Variants in GTF2IRD1 observed in about 807,000 individuals in gnomAD.
The protein encoded by GTF2IRD1 is general transcription factor II-I repeat domain-containing protein 1.
Under a neutral mutation model 113.2 loss-of-function variants are expected in GTF2IRD1, and 26 were observed. That is an observed-to-expected ratio of 0.23 (90% confidence interval 0.17 to 0.32). The LOEUF (loss-of-function observed/expected upper bound fraction) is 0.32, where lower values mean the gene tolerates loss of function less well. Ranked by LOEUF, GTF2IRD1 falls within the 10% of genes least tolerant of loss-of-function variation. The pLI is 1.00. For missense variants in GTF2IRD1, 864 were observed against 1,280.8 expected (o/e 0.67, Z 4.97); for synonymous variants, 484 against 529.1 (o/e 0.91, Z 1.17).
chr7:74,518,242 C>A lies in GTF2IRD1; in HGVS notation c.525C>A (p.Phe175Leu). The change falls in exon 5 of 27, where the codon TTC (phenylalanine) becomes TTA (leucine). Residue 175 changes from phenylalanine (F) to leucine (L), a missense_variant. Physicochemically the swap from Phe to Leu is conservative, Grantham distance 22 (BLOSUM62 0). Transcript: ENST00000424337. Reference protein sequence around the residue: ...AVQGLPEGLAFRRPAEYDPKA... With the variant: ...AVQGLPEGLALRRPAEYDPKA... ...AGGGGCTGCCCGAAGGCCTGGCCTTCCGAAGGCCAGCCGAGTATGACCCCA... is the reference window on the plus strand; with the variant it reads ...AGGGGCTGCCCGAAGGCCTGGCCTTACGAAGGCCAGCCGAGTATGACCCCA... The A allele has an allele frequency of 6.2e-7, 1 of 1,612,032 alleles. No individual in the cohort carries two copies. Among genetic ancestry groups the A allele is most frequent in the Non-Finnish European group, 8.5e-7 (1 of 1,179,382 alleles).
chr7:74,535,561 A>G (rs1275134272), intron 10 of GTF2IRD1, among the ~76,000 whole-genome samples: 3 of 152,258 alleles, frequency 2.0e-5, no homozygotes, highest in African/African-American at 7.2e-5. Context: ...CATGCCCAGC[A>G]GTGTGACTCC....
chr7:74,574,773 T>G (rs989647557), intron 22 of GTF2IRD1, among the ~76,000 whole-genome samples: 7 of 151,614 alleles, frequency 4.6e-5, no homozygotes, highest in Non-Finnish European at 7.4e-5. Flanking sequence ...TGCTGGACTT[T>G]TAATCAACAC....
chr7:74,554,152 CCATTACCTCTCCAGAGAGCT>C lies in GTF2IRD1; in HGVS notation c.1917-1010_1917-991del, dbSNP rs587610863. ...CAGAGAGCTCATTACCTCTCCAGGC[CCATTACCTCTCCAGAGAGCT>C]CATTACCTCTCTGCTCCATGGCCTA... On this transcript the variant is annotated intron_variant, in intron 17 of 26. Transcript: ENST00000424337. Among the ~76,000 whole-genome samples the C allele has an allele frequency of 8.5e-4, 129 of 152,256 alleles. 1 individual carries two copies. The highest frequency in any genetic ancestry group is 2.9e-3 in the African/African-American group (119 of 41,556).
At chr7:74,507,510 G>GACA (rs1796364504) in intron 1 of GTF2IRD1, 1 of 152,356 alleles carries the variant, frequency 6.6e-6, no homozygotes, top group African/African-American at 2.4e-5. Flanking sequence ...AAGCTTCAAG[G>GACA]ACAACCAGCA....
At chr7:74,597,155 G>T (rs1271582998) in intron 25 of GTF2IRD1, among the ~76,000 whole-genome samples, 1 of 151,800 alleles carries the variant, frequency 6.6e-6, no homozygotes, top group Non-Finnish European at 1.5e-5. Flanking sequence ...TGATTCTCCT[G>T]CCTCAGTTTC....
chr7:74,468,090 A>C (rs1466245049), intron 1 of GTF2IRD1, among the ~76,000 whole-genome samples: 1 of 152,152 alleles, frequency 6.6e-6, no homozygotes, highest in African/African-American at 2.4e-5. Context: ...TTTACTCCCC[A>C]GTGTACACAG....
intron 1 of GTF2IRD1, among the ~76,000 whole-genome samples, chr7:74,459,395 T>C (rs1297538736): frequency 3.3e-5 from 5 of 151,818 alleles, no homozygotes; most frequent in Admixed American, 6.6e-5. Flanking sequence ...GAGGTGAAGG[T>C]TGCCGTGAGC....
At chr7:74,492,504 A>G (rs984998610) in intron 1 of GTF2IRD1, among the ~76,000 whole-genome samples, 2 of 152,112 alleles carry the variant, frequency 1.3e-5, no homozygotes, top group Non-Finnish European at 2.9e-5. Flanking sequence ...AATAATAGCC[A>G]TTCTGACTGG....
chr7:74,599,495 C>T (rs1802618246), intron 25 of GTF2IRD1, among the ~76,000 whole-genome samples: 1 of 152,100 alleles, frequency 6.6e-6, no homozygotes, highest in South Asian at 2.1e-4. Flanking sequence ...CCCCATTTGA[C>T]TCAGAGAGGT....
At chr7:74,463,528 C>T (rs1445086633) in intron 1 of GTF2IRD1, among the ~76,000 whole-genome samples, 1 of 152,040 alleles carries the variant, frequency 6.6e-6, no homozygotes, top group African/African-American at 2.4e-5. Flanking sequence ...GCCACTGCGT[C>T]CTGCCTGTTC....
intron 17 of GTF2IRD1, among the ~76,000 whole-genome samples, chr7:74,549,861 C>T (rs1237537399): frequency 6.6e-6 from 1 of 152,112 alleles, no homozygotes; most frequent in Non-Finnish European, 1.5e-5. Flanking sequence ...TATGGAGAAA[C>T]CCCATCTCTA....
At chr7:74,511,048 CAA>C (rs782366013) in intron 2 of GTF2IRD1, among the ~76,000 whole-genome samples, 27 of 104,226 alleles carry the variant, frequency 2.6e-4, no homozygotes, top group Non-Finnish European at 2.6e-4. Context: ...GACTTTGTCT[CAA>C]AAAAAAAAAA....
At chr7:74,496,580 A>G (rs1479686387) in intron 1 of GTF2IRD1, among the ~76,000 whole-genome samples, 11 of 93,380 alleles carry the variant, frequency 1.2e-4, no homozygotes, top group Non-Finnish European at 1.5e-4. Context: ...GTGGGTGTGC[A>G]TGTGTGTGGG....
chr7:74,575,276 A>G (rs1389606670), intron 22 of GTF2IRD1, among the ~76,000 whole-genome samples: 1 of 152,180 alleles, frequency 6.6e-6, no homozygotes, highest in African/African-American at 2.4e-5. Flanking sequence ...GGCAGCAGGG[A>G]ACAGCATTGC....
chr7:74,475,145 CTTGGGAGTCTGAGGCAGAAGG>C (rs1794328466), intron 1 of GTF2IRD1, among the ~76,000 whole-genome samples: 1 of 152,128 alleles, frequency 6.6e-6, no homozygotes, highest in African/African-American at 2.4e-5. Context: ...GTCCCAGCTA[CTTGGGAGTCTGAGGCAGAAGG>C]ATCACTTGAA....
At chr7:74,491,213 C>G (rs556899617) in intron 1 of GTF2IRD1, among the ~76,000 whole-genome samples, 2 of 150,790 alleles carry the variant, frequency 1.3e-5, no homozygotes, top group African/African-American at 2.4e-5. Flanking sequence ...GGCTGAGGCA[C>G]GAGAATCGCC....
At chr7:74,557,509 G>C in intron 19 of GTF2IRD1, 130 bp from the exon 20 acceptor site, 1 of 621,778 alleles carries the variant, frequency 1.6e-6, no homozygotes, top group Non-Finnish European at 2.9e-6. Context: ...AGGACCTGAG[G>C]GGCCCACTCC....
At chr7:74,539,829 G>A (rs1251402663) in intron 13 of GTF2IRD1, 50 bp from the exon 14 acceptor site, 1 of 1,298,264 alleles carries the variant, frequency 7.7e-7, no homozygotes, top group African/African-American at 1.5e-5. Context: ...GACTGTGACA[G>A]GAGTATGACA....
intron 8 of GTF2IRD1, among the ~76,000 whole-genome samples, chr7:74,528,992 C>CGGAT (rs1357279511): frequency 1.5e-5 from 2 of 133,546 alleles, no homozygotes; most frequent in South Asian, 2.4e-4. Context: ...GATGGATAGA[C>CGGAT]GGATGGATGG....
Sources: allele counts gnomAD v4.1 joint callset (sites outside exome capture counted in the v4.1 genomes callset), GRCh38; gene constraint gnomAD v4.1.1; transcripts MANE v1.5; gene names NCBI Gene and HGNC (gene_info 2026-07-23, HGNC 2026-07-21).